The following WWC2 variants were observed in gnomAD, a reference collection of about 807,000 sequenced individuals.
The protein encoded by WWC2 is WW and C2 domain containing 2.
A neutral mutation model predicts 138.5 loss-of-function variants in WWC2; 101 were observed. That is an observed-to-expected ratio of 0.73 (90% CI 0.62 to 0.86). The LOEUF (loss-of-function observed/expected upper bound fraction) is 0.86, where lower values mean the gene tolerates loss of function less well. Ranked by LOEUF, WWC2 falls within the 40% of genes least tolerant of loss-of-function variation. The pLI, the probability that WWC2 is intolerant of heterozygous loss-of-function variation, is 0.00. For missense variants in WWC2, 1,420 were observed against 1,419.4 expected (o/e 1.00, Z -0.01); for synonymous variants, 558 against 538.4 (o/e 1.04, Z -0.50).
intron 1 of WWC2, among the ~76,000 whole-genome samples, chr4:183,163,762 AT>A (rs1326731185): frequency 1.3e-5 from 2 of 152,104 alleles, no homozygotes; most frequent in African/African-American, 4.8e-5. Flanking sequence ...AGAAGTTTCA[AT>A]TTTGTGAAGA....
At chr4:183,297,340 C>G (rs1738666118) in intron 21 of WWC2, among the ~76,000 whole-genome samples, 1 of 151,868 alleles carries the variant, frequency 6.6e-6, no homozygotes, top group South Asian at 2.1e-4. Flanking sequence ...AGTTTGCATA[C>G]CAAGATAATG....
At chr4:183,267,492 C>T (rs1365333250) in intron 14 of WWC2, among the ~76,000 whole-genome samples, 2 of 152,182 alleles carry the variant, frequency 1.3e-5, no homozygotes, top group African/African-American at 4.8e-5. Context: ...ACAAGTCTAC[C>T]AGAGACTGAA....
intron 4 of WWC2, among the ~76,000 whole-genome samples, chr4:183,239,546 G>T (rs1736549080): frequency 6.6e-6 from 1 of 152,124 alleles, no homozygotes; most frequent in Non-Finnish European, 1.5e-5. Flanking sequence ...TCTGCTGTTT[G>T]CTTGGCATGG....
intron 1 of WWC2, among the ~76,000 whole-genome samples, chr4:183,158,434 C>T (rs1733866789): frequency 6.6e-6 from 1 of 151,686 alleles, no homozygotes; most frequent in Non-Finnish European, 1.5e-5. Context: ...CCTGGGCTTG[C>T]AGATGCCGTC....
chr4:183,155,221 A>AGAGAGAGAGAGAGAGAGAGAGT (rs61543148), intron 1 of WWC2, among the ~76,000 whole-genome samples: 12 of 135,180 alleles, frequency 8.9e-5, no homozygotes, highest in African/African-American at 3.3e-4. Context: ...AGAGAGAGAG[A>AGAGAGAGAGAGAGAGAGAGAGT]GAGTTAGTTG....
At chr4:183,256,883 AGCCCCCC>A (rs1737162667) in intron 9 of WWC2, among the ~76,000 whole-genome samples, 2 of 36,176 alleles carry the variant, frequency 5.5e-5, no homozygotes, top group South Asian at 3.5e-3. Context: ...GTGATCCTAC[AGCCCCCC>A]CCCCCCCCCC....
At chr4:183,287,474 G>A (rs1368160101) in intron 20 of WWC2, among the ~76,000 whole-genome samples, 5 of 152,244 alleles carry the variant, frequency 3.3e-5, no homozygotes, top group South Asian at 2.1e-4. Context: ...TTTATGAATC[G>A]AGTGGAGTTG....
intron 1 of WWC2, among the ~76,000 whole-genome samples, chr4:183,177,442 G>A (rs1294447691): frequency 1.3e-5 from 2 of 152,114 alleles, no homozygotes; most frequent in Non-Finnish European, 2.9e-5. Context: ...TAGAACCTTT[G>A]TAAATTTAAT....
chr4:183,232,436 C>T (rs1736274199), intron 4 of WWC2, among the ~76,000 whole-genome samples: 1 of 152,172 alleles, frequency 6.6e-6, no homozygotes, highest in African/African-American at 2.4e-5. Context: ...ACACCTCCCT[C>T]CTCCATCCTC....
intron 1 of WWC2, among the ~76,000 whole-genome samples, chr4:183,142,378 C>T (rs1474676045): frequency 2.6e-5 from 4 of 152,054 alleles, no homozygotes; most frequent in African/African-American, 9.7e-5. Context: ...AGGTTGCCAC[C>T]CCTCCCCTTT....
intron 15 of WWC2, chr4:183,269,804 A>G (rs1178153630): frequency 4.8e-6 from 1 of 207,922 alleles, no homozygotes; most frequent in Non-Finnish European, 1.0e-5. Flanking sequence ...GTTTAAAGCA[A>G]TATGACATTT....
At chr4:183,135,056 G>A (rs1233158941) in intron 1 of WWC2, among the ~76,000 whole-genome samples, 6 of 151,748 alleles carry the variant, frequency 4.0e-5, no homozygotes, top group Non-Finnish European at 5.9e-5. Context: ...CTCAGCTCCC[G>A]AGTAGCTGGG....
chr4:183,115,276 A>G (rs114798941), intron 1 of WWC2, among the ~76,000 whole-genome samples: 4,322 of 152,184 alleles, frequency 0.028, 89 homozygotes, highest in South Asian at 0.044. Context: ...TCTACCCTTG[A>G]TGGGCCTTTA....
chr4:183,215,651 C>T (rs905044746), intron 4 of WWC2, among the ~76,000 whole-genome samples: 1 of 152,054 alleles, frequency 6.6e-6, no homozygotes, highest in African/African-American at 2.4e-5. Context: ...TTATTTCTCT[C>T]ACTCTCTATG....
chr4:183,103,773 G>C (rs544287491), intron 1 of WWC2, among the ~76,000 whole-genome samples: 1 of 150,924 alleles, frequency 6.6e-6, no homozygotes, highest in Non-Finnish European at 1.5e-5. Flanking sequence ...GAGTAGCTGG[G>C]ATTACAGGCA....
intron 4 of WWC2, among the ~76,000 whole-genome samples, chr4:183,234,142 T>G (rs1459563157): frequency 6.6e-6 from 1 of 152,224 alleles, no homozygotes; most frequent in Non-Finnish European, 1.5e-5. Context: ...GACACTAGGA[T>G]TATAAGAAGT....
intron 4 of WWC2, among the ~76,000 whole-genome samples, chr4:183,234,581 T>C (rs1736357742): frequency 6.6e-6 from 1 of 152,216 alleles, no homozygotes; most frequent in Non-Finnish European, 1.5e-5. Flanking sequence ...ACTTTTTAAA[T>C]TGTATTTTTA....
chr4:183,136,576 G>A (rs1424861047), intron 1 of WWC2, among the ~76,000 whole-genome samples: 2 of 152,114 alleles, frequency 1.3e-5, no homozygotes, highest in Non-Finnish European at 1.5e-5. Context: ...GATACGTTCC[G>A]AGAAATGTGT....
chr4:183,250,122 C>T lies in WWC2; in HGVS notation c.953+129C>T, dbSNP rs187810246. The T allele has an allele frequency of 1.8e-4, 133 of 750,040 alleles. 1 individual carries two copies. In the African/African-American group the frequency reaches 2.2e-3, roughly 12 times the overall value. The allele number at this position is 750,040 out of a possible 1,614,324, so 46.5% of individuals were successfully genotyped here. A position where few individuals can be genotyped will look rare whatever the true frequency, so the allele number is the denominator to read the frequency against. ...TACCAAGGCCACCCTTCGGTTTTAGCATGTCAGGGCTGCTTCCTCTCTGGT... is the reference window on the plus strand; with the variant it reads ...TACCAAGGCCACCCTTCGGTTTTAGTATGTCAGGGCTGCTTCCTCTCTGGT... On this transcript the variant is annotated intron_variant, in intron 8 of 22. Transcript: ENST00000403733.
Sources: allele counts gnomAD v4.1 joint callset (sites outside exome capture counted in the v4.1 genomes callset), GRCh38; gene constraint gnomAD v4.1.1; transcripts MANE v1.5; gene names NCBI Gene and HGNC (gene_info 2026-07-23, HGNC 2026-07-21).